Variants in ADAMTSL1 observed in about 807,000 individuals in gnomAD.
ADAMTSL1 encodes ADAMTS-like protein 1.
In ADAMTSL1, 126 loss-of-function variants were observed where a neutral mutation model predicts 201.8. The observed-to-expected ratio is 0.62, with a 90% CI of 0.54 to 0.72. The LOEUF (loss-of-function observed/expected upper bound fraction) is 0.72, where lower values mean the gene tolerates loss of function less well. Among genes scored for constraint, ADAMTSL1 ranks in the 30% least tolerant of loss-of-function variants. The probability of loss-of-function intolerance (pLI) is 0.00; values close to 1 mark genes in which losing one functional copy is unlikely to be tolerated. For missense variants in ADAMTSL1, 2,679 were observed against 2,277.8 expected (o/e 1.18, Z -3.59); for synonymous variants, 1,121 against 903.4 (o/e 1.24, Z -4.32).
intron 15 of ADAMTSL1, among the ~76,000 whole-genome samples, chr9:18,747,413 A>T (rs950611350): frequency 6.6e-6 from 1 of 151,444 alleles, no homozygotes; most frequent in Non-Finnish European, 1.5e-5. Flanking sequence ...TCATAAATCC[A>T]CAGAGCTGGT....
At chr9:18,640,265 C>T (rs1000642734) in intron 7 of ADAMTSL1, among the ~76,000 whole-genome samples, 1 of 152,124 alleles carries the variant, frequency 6.6e-6, no homozygotes, top group Non-Finnish European at 1.5e-5. Flanking sequence ...CAGACGCCAG[C>T]CACATGAACG....
At chr9:18,688,689 A>AAAAAAAAATATATATAT (rs1554730404) in intron 13 of ADAMTSL1, among the ~76,000 whole-genome samples, 1 of 8,652 alleles carries the variant, frequency 1.2e-4, no homozygotes, top group Non-Finnish European at 2.2e-4. Flanking sequence ...AAAAAAAAAA[A>AAAAAAAAATATATATAT]ATATATATAT....
chr9:18,598,794 T>C (rs1824436816), intron 4 of ADAMTSL1, among the ~76,000 whole-genome samples: 1 of 152,042 alleles, frequency 6.6e-6, no homozygotes, highest in African/African-American at 2.4e-5. Flanking sequence ...GGTTTATAAA[T>C]GCACTTGAGT....
chr9:18,160,667 TTTAA>T (rs67128870), intron 1 of ADAMTSL1, among the ~76,000 whole-genome samples: 29,526 of 150,372 alleles, frequency 0.2, 3,145 homozygotes, highest in East Asian at 0.26. Flanking sequence ...TATTTCTTTT[TTTAA>T]TTAATTAATT....
At chr9:18,051,244 T>G (rs1396033239) in intron 1 of ADAMTSL1, among the ~76,000 whole-genome samples, 1 of 152,030 alleles carries the variant, frequency 6.6e-6, no homozygotes, top group African/African-American at 2.4e-5. Context: ...GAGGTTGTAG[T>G]GAGCTGAGAT....
At chr9:18,773,443 T>C (rs1175831271) in intron 17 of ADAMTSL1, among the ~76,000 whole-genome samples, 1 of 152,184 alleles carries the variant, frequency 6.6e-6, no homozygotes, top group African/African-American at 2.4e-5. Flanking sequence ...TAGAAGGAGC[T>C]TGAAAGATCC....
intron 1 of ADAMTSL1, among the ~76,000 whole-genome samples, chr9:18,028,091 A>G (rs144855735): frequency 9.1e-4 from 138 of 152,080 alleles, no homozygotes; most frequent in African/African-American, 3.2e-3. Context: ...CTTTGAGCCT[A>G]TGGGTGTCAA....
chr9:18,730,028 A>C (rs1818119782), intron 15 of ADAMTSL1, among the ~76,000 whole-genome samples: 2 of 152,254 alleles, frequency 1.3e-5, no homozygotes, highest in South Asian at 4.2e-4. Context: ...TCCCAAAATA[A>C]ATCTTTTTTT....
chr9:18,619,496 A>G (rs1825894254), intron 4 of ADAMTSL1, among the ~76,000 whole-genome samples: 1 of 152,142 alleles, frequency 6.6e-6, no homozygotes, highest in African/African-American at 2.4e-5. Flanking sequence ...GACTTGGTTC[A>G]TATCCTGGGG....
chr9:17,997,761 C>G (rs956201115), intron 1 of ADAMTSL1, among the ~76,000 whole-genome samples: 1 of 151,976 alleles, frequency 6.6e-6, no homozygotes, highest in Non-Finnish European at 1.5e-5. Context: ...AATATGGTAG[C>G]ATTTCAAAAA....
intron 20 of ADAMTSL1, among the ~76,000 whole-genome samples, chr9:18,814,842 G>A (rs983855952): frequency 6.6e-6 from 1 of 152,122 alleles, no homozygotes; most frequent in Non-Finnish European, 1.5e-5. Context: ...GGTTACCTAT[G>A]TAACAACCCT....
intron 16 of ADAMTSL1, among the ~76,000 whole-genome samples, chr9:18,764,811 A>G (rs1820269704): frequency 6.6e-6 from 1 of 152,232 alleles, no homozygotes; most frequent in Admixed American, 6.5e-5. Flanking sequence ...TGTATACATC[A>G]AAATTGTAAA....
At chr9:18,633,806 C>G (rs1826934242) in intron 5 of ADAMTSL1, among the ~76,000 whole-genome samples, 1 of 151,822 alleles carries the variant, frequency 6.6e-6, no homozygotes, top group African/African-American at 2.4e-5. Context: ...GTAGAGAACT[C>G]GATAATGTAA....
At chr9:18,473,880 C>G, upstream of ADAMTSL1, 1 of 314,260 alleles carries the variant, frequency 3.2e-6, no homozygotes, top group Non-Finnish European at 5.9e-6. Context: ...TTTTGCAATT[C>G]TGCATCTTTT....
At chr9:18,057,103 G>C (rs725546) in intron 1 of ADAMTSL1, among the ~76,000 whole-genome samples, 96,985 of 151,998 alleles carry the variant, frequency 0.64, 31,300 homozygotes, top group African/African-American at 0.73. Context: ...TGCACACTAG[G>C]TACAGCAGAG....
At chr9:18,695,242 C>G (rs886587859) in intron 13 of ADAMTSL1, among the ~76,000 whole-genome samples, 8 of 152,154 alleles carry the variant, frequency 5.3e-5, no homozygotes, top group Non-Finnish European at 7.3e-5. Flanking sequence ...TGGCTATTAA[C>G]ATTTGGGAAG....
chr9:18,504,396 T>C (rs769048937), intron 1 of ADAMTSL1, among the ~76,000 whole-genome samples: 1 of 152,162 alleles, frequency 6.6e-6, no homozygotes, highest in Non-Finnish European at 1.5e-5. Context: ...TGGTATAAAA[T>C]ATTGTTAGAT....
intron 20 of ADAMTSL1, among the ~76,000 whole-genome samples, chr9:18,809,474 T>C (rs965445989): frequency 1.1e-4 from 17 of 152,204 alleles, no homozygotes; most frequent in African/African-American, 4.1e-4. Flanking sequence ...GGTCTTAATG[T>C]ACAAGGGACG....
At chr9:18,186,276 C>T (rs775108303) in intron 2 of ADAMTSL1, among the ~76,000 whole-genome samples, 14 of 152,120 alleles carry the variant, frequency 9.2e-5, no homozygotes, top group Non-Finnish European at 1.8e-4. Context: ...GAAACAACTA[C>T]TATTGAGTTC....
Sources: allele counts gnomAD v4.1 joint callset (sites outside exome capture counted in the v4.1 genomes callset), GRCh38; gene constraint gnomAD v4.1.1; transcripts MANE v1.5; gene names NCBI Gene and HGNC (gene_info 2026-07-23, HGNC 2026-07-21).